The following PDSS2 variants were observed in gnomAD, a reference collection of about 807,000 sequenced individuals.
PDSS2 encodes the protein all trans-polyprenyl-diphosphate synthase PDSS2.
PDSS2 carries 31 observed loss-of-function variants against 44.5 expected under a neutral mutation model. The ratio of observed to expected loss-of-function variants is 0.70; its 90% CI spans 0.52 to 0.94. The LOEUF (loss-of-function observed/expected upper bound fraction) is 0.94, where lower values mean the gene tolerates loss of function less well. PDSS2 is among the 40% of genes least tolerant of loss of function. PDSS2 has a pLI of 0.00. For synonymous variants in PDSS2, 157 were observed against 180.3 expected (o/e 0.87, Z 1.03); for missense variants, 452 against 482.2 (o/e 0.94, Z 0.59).
intron 1 of PDSS2, among the ~76,000 whole-genome samples, chr6:107,370,279 T>C (rs922588646): frequency 1.3e-5 from 2 of 152,178 alleles, no homozygotes; most frequent in Non-Finnish European, 2.9e-5. Context: ...CTCGAGTAAT[T>C]CAGAGAATAT....
At position 107,393,112 on chromosome 6, in the gene PDSS2, G is replaced by A. The variant is rs78673700; in HGVS notation, c.297-58780C>T. 9.1e-3 allele frequency among the ~76,000 whole-genome samples: 1,378 copies of A among 151,562 alleles called. 49 individuals are homozygous for A. The East Asian group carries it at 0.12, about 13-fold the overall frequency. ...AGGTTTAATTTGCTCTTCTTTTCTC[G>A]TTTATTCAGGTAGAAGCTTAGATCA... On this transcript the variant is annotated intron_variant, in intron 1 of 7. Coordinates refer to ENST00000369037, the MANE Select transcript of PDSS2 (RefSeq NM_020381.4).
intron 1 of PDSS2, among the ~76,000 whole-genome samples, chr6:107,379,633 GT>G (rs1175627884): frequency 6.6e-6 from 1 of 152,120 alleles, no homozygotes; most frequent in Non-Finnish European, 1.5e-5. Context: ...TTGAATTGAA[GT>G]GTGTTCTTCC....
At chr6:107,221,425 C>A (rs1773604400) in intron 4 of PDSS2, among the ~76,000 whole-genome samples, 1 of 144,926 alleles carries the variant, frequency 6.9e-6, no homozygotes. Flanking sequence ...GTTTATTATA[C>A]AGAAAAGGAG....
At chr6:107,203,923 A>G (rs1772878987) in intron 6 of PDSS2, among the ~76,000 whole-genome samples, 1 of 150,814 alleles carries the variant, frequency 6.6e-6, no homozygotes, top group African/African-American at 2.4e-5. Flanking sequence ...GGCCTTTTGC[A>G]TCTGGCTTCT....
chr6:107,357,379 T>C (rs1778625714), intron 1 of PDSS2, among the ~76,000 whole-genome samples: 1 of 152,042 alleles, frequency 6.6e-6, no homozygotes, highest in African/African-American at 2.4e-5. Flanking sequence ...ATTTCCAGAG[T>C]CTAATTTAAT....
rs1481187093 is a variant in PDSS2, at chr6:107,366,022, T to G, written c.297-31690A>C. The stretch of plus-strand genomic sequence containing the variant: ...AAACTCAGCAACAATATAGAAGACT[T>G]TAACAACACTATCAACCAACTTGAT... On this transcript the variant is annotated intron_variant, in intron 1 of 7. Coordinates refer to ENST00000369037, the MANE Select transcript of PDSS2 (RefSeq NM_020381.4). Among the ~76,000 whole-genome samples, 4 of 152,088 alleles carry G rather than the reference T, an allele frequency of 2.6e-5. No homozygotes were observed. In the East Asian group the frequency reaches 7.7e-4, roughly 29 times the overall value.
At chr6:107,211,162 T>A (rs943090601) in intron 5 of PDSS2, among the ~76,000 whole-genome samples, 1 of 151,908 alleles carries the variant, frequency 6.6e-6, no homozygotes, top group Non-Finnish European at 1.5e-5. Flanking sequence ...AATAAACTAA[T>A]CTAAGATTAA....
intron 1 of PDSS2, among the ~76,000 whole-genome samples, chr6:107,403,451 T>C (rs539674605): frequency 6.6e-6 from 1 of 152,358 alleles, no homozygotes; most frequent in Non-Finnish European, 1.5e-5. Context: ...TTCTGGTGTC[T>C]AGAGGATGGT....
rs369522363 is a variant in PDSS2, at chr6:107,193,430, C to T, written c.1041+392G>A. On this transcript the variant is annotated intron_variant, in intron 7 of 7. Transcript: ENST00000369037. ...GGCCCTAAAGGTTGTCTTCCATCCA[C>T]ACCCCATAGCATCTTTCAACAATAG... 2.0e-5 allele frequency among the ~76,000 whole-genome samples: 3 copies of T among 152,210 alleles called. No individual in the cohort carries two copies. The East Asian group carries it at 5.8e-4, about 29-fold the overall frequency.
chr6:107,181,014 T>C (rs1415457122), intron 7 of PDSS2, among the ~76,000 whole-genome samples: 1 of 151,916 alleles, frequency 6.6e-6, no homozygotes, highest in Non-Finnish European at 1.5e-5. Flanking sequence ...CCAGCTAACT[T>C]TTGTATTTTT....
At chr6:107,247,361 C>T (rs1315496183) in intron 3 of PDSS2, among the ~76,000 whole-genome samples, 1 of 152,172 alleles carries the variant, frequency 6.6e-6, no homozygotes, top group Non-Finnish European at 1.5e-5. Context: ...TCCTTTACTT[C>T]CCTGAAATTC....
intron 2 of PDSS2, among the ~76,000 whole-genome samples, chr6:107,299,006 T>C (rs1776603698): frequency 1.3e-5 from 2 of 151,962 alleles, no homozygotes; most frequent in African/African-American, 4.8e-5. Context: ...GCTGGTGTGA[T>C]GGCACAGGCC....
intron 1 of PDSS2, among the ~76,000 whole-genome samples, chr6:107,411,382 C>T (rs1780488917): frequency 6.6e-6 from 1 of 152,176 alleles, no homozygotes; most frequent in African/African-American, 2.4e-5. Flanking sequence ...AACTGGACAA[C>T]CAAATGAGTT....
rs1241411716 is a variant in PDSS2, at chr6:107,383,522, A to C, written c.297-49190T>G. 3.3e-5 allele frequency among the ~76,000 whole-genome samples: 5 copies of C among 152,056 alleles called. 1 individual carries two copies. Among genetic ancestry groups the C allele is most frequent in the African/African-American group, 1.2e-4 (5 of 41,442 alleles). ...AAGGACACCATCAAGAAGGTGAAAA[A>C]AACCACCCACAGAATGGGAGAAAAT... On this transcript the variant is annotated intron_variant, in intron 1 of 7. Transcript: ENST00000369037.
chr6:107,259,529 G>A (rs1470273373), intron 3 of PDSS2, among the ~76,000 whole-genome samples: 2 of 152,046 alleles, frequency 1.3e-5, no homozygotes, highest in Non-Finnish European at 2.9e-5. Context: ...GAAAAAATTA[G>A]CCGGGCGTGG....
rs71012784 is a variant in PDSS2 at position 107,176,429 on chromosome 6, T to TACAC, written c.1041+17389_1041+17392dup. Among the ~76,000 whole-genome samples the TACAC allele has an allele frequency of 9.2e-3, 1,375 of 149,788 alleles. 22 individuals are homozygous for TACAC. The highest frequency in any genetic ancestry group is 0.031 in the African/African-American group (1,267 of 40,614). On this transcript the variant is annotated intron_variant, in intron 7 of 7. Coordinates refer to ENST00000369037, the MANE Select transcript of PDSS2 (RefSeq NM_020381.4). ...TTCCCCCTTAACACACACACACACA[T>TACAC]ACACACACACACACACACACACACA... is the stretch of plus-strand genomic sequence containing the variant.
intron 3 of PDSS2, among the ~76,000 whole-genome samples, chr6:107,267,909 C>T (rs1775464127): frequency 6.6e-6 from 1 of 152,014 alleles, no homozygotes; most frequent in African/African-American, 2.4e-5. Flanking sequence ...CTCTAATAGT[C>T]TGCTTAATAG....
intron 1 of PDSS2, among the ~76,000 whole-genome samples, chr6:107,345,353 C>A (rs1778209428): frequency 6.8e-6 from 1 of 147,392 alleles, no homozygotes; most frequent in African/African-American, 2.5e-5. Flanking sequence ...CCTGTTTTTA[C>A]CAAAAAGAAT....
chr6:107,315,631 T>C (rs945664903), intron 2 of PDSS2, among the ~76,000 whole-genome samples: 2 of 152,200 alleles, frequency 1.3e-5, no homozygotes, highest in Non-Finnish European at 2.9e-5. Context: ...CATATCTCTG[T>C]ACTTGAGAAG....
Sources: gnomAD v4.1 joint callset for allele counts (sites outside exome capture counted in the v4.1 genomes callset) on GRCh38, gnomAD v4.1.1 for gene constraint, MANE v1.5 for transcripts, NCBI Gene and HGNC (gene_info 2026-07-23, HGNC 2026-07-21) for gene names.